FAM135B: variants seen among roughly 807,000 people sequenced by gnomAD.
The protein encoded by FAM135B is protein FAM135B.
Under a neutral mutation model 127.7 loss-of-function variants are expected in FAM135B, and 43 were observed. The ratio of observed to expected loss-of-function variants is 0.34; its 90% CI spans 0.26 to 0.43. FAM135B has a LOEUF of 0.43. Ranked by LOEUF, FAM135B falls within the 20% of genes least tolerant of loss-of-function variation. FAM135B has a pLI of 1.00. For synonymous variants in FAM135B, 670 were observed against 665.1 expected (o/e 1.01, Z -0.11); for missense variants, 1,558 against 1,725.6 (o/e 0.90, Z 1.72).
At chr8:138,382,100 C>T (rs1186861811) in intron 1 of FAM135B, among the ~76,000 whole-genome samples, 1 of 152,146 alleles carries the variant, frequency 6.6e-6, no homozygotes, top group Non-Finnish European at 1.5e-5. Context: ...GCAGCCATGA[C>T]TCAGCCCACG....
chr8:138,444,508 C>T (rs545195644), intron 1 of FAM135B, among the ~76,000 whole-genome samples: 69 of 152,180 alleles, frequency 4.5e-4, no homozygotes, highest in Non-Finnish European at 7.5e-4. Context: ...CACTCAAAAC[C>T]GCTCAACTAC....
At chr8:138,456,345 T>C (rs1836775152) in intron 1 of FAM135B, among the ~76,000 whole-genome samples, 1 of 152,220 alleles carries the variant, frequency 6.6e-6, no homozygotes, top group Non-Finnish European at 1.5e-5. Flanking sequence ...TCCTAATCCT[T>C]TGTATCTTTG....
At chr8:138,157,206 T>G (rs1045855760) in intron 12 of FAM135B, among the ~76,000 whole-genome samples, 12 of 152,180 alleles carry the variant, frequency 7.9e-5, no homozygotes, top group Admixed American at 1.3e-4. Context: ...CACATGATTA[T>G]CTCAATAGAT....
At chr8:138,189,811 T>TA (rs2131069368) in intron 9 of FAM135B, among the ~76,000 whole-genome samples, 2 of 152,316 alleles carry the variant, frequency 1.3e-5, no homozygotes, top group South Asian at 4.1e-4. Flanking sequence ...CCTGCTTCAA[T>TA]ACGGTACCTG....
chr8:138,487,554 C>T (rs913420952), intron 1 of FAM135B, among the ~76,000 whole-genome samples: 6 of 148,852 alleles, frequency 4.0e-5, no homozygotes, highest in Non-Finnish European at 7.4e-5. Context: ...AGCACCCACC[C>T]GTGCATTCAC....
chr8:138,210,085 T>A (rs1818023102), intron 7 of FAM135B, among the ~76,000 whole-genome samples: 1 of 152,240 alleles, frequency 6.6e-6, no homozygotes, highest in South Asian at 2.1e-4. Context: ...TCTGAGAGGC[T>A]AGTCCAAGAT....
chr8:138,372,311 C>G (rs1362847100), intron 1 of FAM135B, among the ~76,000 whole-genome samples: 1 of 152,184 alleles, frequency 6.6e-6, no homozygotes, highest in African/African-American at 2.4e-5. Context: ...CTTACACCTG[C>G]GTACAGACAG....
chr8:138,191,712 A>T (rs3889675), intron 9 of FAM135B, among the ~76,000 whole-genome samples: 30,268 of 152,126 alleles, frequency 0.2, 3,300 homozygotes, highest in East Asian at 0.32. Flanking sequence ...CGTTCCCAGG[A>T]AAACGTTGAT....
intron 1 of FAM135B, among the ~76,000 whole-genome samples, chr8:138,391,313 ACAGAGC>A (rs768289598): frequency 2.6e-5 from 4 of 152,032 alleles, no homozygotes; most frequent in Admixed American, 6.6e-5. Context: ...ATCCAGGGCT[ACAGAGC>A]CCCCAGGACT....
intron 12 of FAM135B, 39 bp downstream of exon 12, chr8:138,167,856 G>A (rs1176240475): frequency 6.4e-7 from 1 of 1,573,468 alleles, no homozygotes; most frequent in Non-Finnish European, 8.6e-7. Flanking sequence ...CCACTGGAAA[G>A]CCTTATTCCT....
chr8:138,173,697 T>C (rs1814133921), intron 11 of FAM135B, among the ~76,000 whole-genome samples: 1 of 152,230 alleles, frequency 6.6e-6, no homozygotes, highest in South Asian at 2.1e-4. Context: ...ATAGCATGTC[T>C]TAGAATGAAT....
intron 2 of FAM135B, among the ~76,000 whole-genome samples, chr8:138,346,099 G>A (rs926021965): frequency 6.6e-6 from 1 of 152,158 alleles, no homozygotes; most frequent in Non-Finnish European, 1.5e-5. Context: ...AAACCACAAT[G>A]AGATACCATC....
At chr8:138,484,871 C>G (rs866102745) in intron 1 of FAM135B, among the ~76,000 whole-genome samples, 4 of 152,156 alleles carry the variant, frequency 2.6e-5, no homozygotes, top group African/African-American at 9.7e-5. Flanking sequence ...TGAATTCTAC[C>G]TTGGGCACAA....
chr8:138,351,003 G>A (rs1031303154), intron 2 of FAM135B, among the ~76,000 whole-genome samples: 1 of 152,092 alleles, frequency 6.6e-6, no homozygotes, highest in African/African-American at 2.4e-5. Context: ...GGACTTTCAT[G>A]GTCTTAGCCC....
chr8:138,197,770 G>C lies in FAM135B; in HGVS notation c.670-101C>G, dbSNP rs1312505243. Reference sequence around the variant, plus strand: ...CCACCCGCACCAACATTCACAAAATGTTTGGAGGTTCAGGGAAGGAAGCAG... The same window carrying C: ...CCACCCGCACCAACATTCACAAAATCTTTGGAGGTTCAGGGAAGGAAGCAG... On this transcript the variant is annotated intron_variant, in intron 7 of 19. Coordinates refer to ENST00000395297, the MANE Select transcript of FAM135B (RefSeq NM_015912.4). The C allele has an allele frequency of 2.0e-5, 27 of 1,342,694 alleles. No individual in the cohort carries two copies. The South Asian group carries it at 3.7e-4, about 19-fold the overall frequency. The allele number at this position is 1,342,694 out of a possible 1,614,324, so 83.2% of individuals were successfully genotyped here. A position where few individuals can be genotyped will look rare whatever the true frequency, so the allele number is the denominator to read the frequency against.
chr8:138,197,147 TAC>T (rs565334175), intron 8 of FAM135B, among the ~76,000 whole-genome samples: 398 of 152,048 alleles, frequency 2.6e-3, no homozygotes, highest in African/African-American at 9.2e-3. Context: ...AGGATTGTTT[TAC>T]ACTCTTGTAA....
chr8:138,479,213 A>G (rs1327591036), intron 1 of FAM135B, among the ~76,000 whole-genome samples: 1 of 152,206 alleles, frequency 6.6e-6, no homozygotes, highest in Non-Finnish European at 1.5e-5. Flanking sequence ...CCAACCAGTG[A>G]GCCCTCTGAA....
At chr8:138,348,876 C>T (rs1417296017) in intron 2 of FAM135B, among the ~76,000 whole-genome samples, 1 of 152,232 alleles carries the variant, frequency 6.6e-6, no homozygotes, top group South Asian at 2.1e-4. Context: ...GCTTAGAGTG[C>T]CCAGGTTTGT....
rs557139948 is a variant in FAM135B at position 138,243,476 on chromosome 8, T to C, written c.543-408A>G. ...CTCCTTCCACCAACTCCTCCCTCCC[T>C]GGACCTCTTTTCTTCTGTGGAAAAG... On this transcript the variant is annotated intron_variant, in intron 6 of 19. Coordinates refer to ENST00000395297, the MANE Select transcript of FAM135B (RefSeq NM_015912.4). The surrounding 1 kb of genome is among the most constrained non-coding windows in gnomAD (Gnocchi z 7.5). 9.2e-5 allele frequency among the ~76,000 whole-genome samples: 14 copies of C among 152,324 alleles called. No individual in the cohort carries two copies. The highest frequency in any genetic ancestry group is 9.1e-4 in the Admixed American group (14 of 15,302).
Sources: gnomAD v4.1 joint callset for allele counts (sites outside exome capture counted in the v4.1 genomes callset) on GRCh38, gnomAD v4.1.1 for gene constraint, Gnocchi (gnomAD v3.1) non-coding constraint, MANE v1.5 for transcripts, NCBI Gene and HGNC (gene_info 2026-07-23, HGNC 2026-07-21) for gene names.